Variants in FNDC3A observed in about 807,000 individuals in gnomAD.
The protein encoded by FNDC3A is fibronectin type III domain containing 3A, also known as fibronectin type-III domain-containing protein 3A.
In FNDC3A, 32 loss-of-function variants were observed where a neutral mutation model predicts 148.9. The observed-to-expected ratio is 0.21, with a 90% CI of 0.16 to 0.29. FNDC3A has a LOEUF of 0.29. Ranked by LOEUF, FNDC3A falls within the 10% of genes least tolerant of loss-of-function variation. The pLI is 1.00. For missense variants in FNDC3A, 1,191 were observed against 1,452.8 expected (o/e 0.82, Z 2.93); for synonymous variants, 472 against 473.6 (o/e 1.00, Z 0.04).
chr13:49,089,848 CTGTT>C (rs1462709053), intron 3 of FNDC3A, among the ~76,000 whole-genome samples: 1 of 152,202 alleles, frequency 6.6e-6, no homozygotes, highest in Non-Finnish European at 1.5e-5. Context: ...TTTAAAACCA[CTGTT>C]TGTTACACAG....
chr13:49,047,896 C>CA (rs547713645), intron 2 of FNDC3A, among the ~76,000 whole-genome samples: 2 of 152,112 alleles, frequency 1.3e-5, no homozygotes, highest in South Asian at 4.1e-4. Context: ...GTTTTTTTCT[C>CA]AGTGTTATCT....
At chr13:49,129,623 CAT>C (rs757253236) in intron 4 of FNDC3A, among the ~76,000 whole-genome samples, 9 of 152,268 alleles carry the variant, frequency 5.9e-5, no homozygotes, top group Non-Finnish European at 1.0e-4. Flanking sequence ...TCCCATCAAT[CAT>C]ATATGTTTGC....
intron 3 of FNDC3A, among the ~76,000 whole-genome samples, chr13:49,078,855 GA>G (rs770284636): frequency 6.6e-5 from 10 of 152,150 alleles, no homozygotes; most frequent in Non-Finnish European, 1.5e-4. Flanking sequence ...ATATGCCAGC[GA>G]AGTGGAGAGA....
intron 19 of FNDC3A, among the ~76,000 whole-genome samples, chr13:49,191,968 TA>T (rs1005217013): frequency 4.6e-5 from 7 of 152,212 alleles, no homozygotes; most frequent in Non-Finnish European, 8.8e-5. Flanking sequence ...TCAGGAAAGC[TA>T]AATATTTTGC....
chr13:49,095,323 G>A (rs1879452871), intron 3 of FNDC3A: 2 of 151,898 alleles, frequency 1.3e-5, no homozygotes. Flanking sequence ...GAAAAGAAAT[G>A]TCTAAATTTC....
intron 8 of FNDC3A, among the ~76,000 whole-genome samples, chr13:49,155,678 C>A: frequency 1.0e-5 from 1 of 97,882 alleles, no homozygotes; most frequent in African/African-American, 4.1e-5. Context: ...TTTCCCTCTA[C>A]ACACTGCTTT....
At chr13:49,053,135 C>A (rs1249163623) in intron 2 of FNDC3A, among the ~76,000 whole-genome samples, 4 of 152,146 alleles carry the variant, frequency 2.6e-5, no homozygotes, top group African/African-American at 9.7e-5. Flanking sequence ...GAGTACTTGC[C>A]CCAGATCATG....
chr13:49,092,301 C>T (rs1279772095), intron 3 of FNDC3A, among the ~76,000 whole-genome samples: 1 of 152,224 alleles, frequency 6.6e-6, no homozygotes, highest in African/African-American at 2.4e-5. Context: ...AATGTGTTGC[C>T]TCCAAAATCC....
At chr13:49,080,099 A>G (rs1878374145) in intron 3 of FNDC3A, among the ~76,000 whole-genome samples, 1 of 152,196 alleles carries the variant, frequency 6.6e-6, no homozygotes, top group Non-Finnish European at 1.5e-5. Context: ...ACCTGGCCCA[A>G]TATTTGTTTC....
intron 1 of FNDC3A, among the ~76,000 whole-genome samples, chr13:48,978,117 TCTTCA>T (rs2137539085): frequency 6.6e-6 from 1 of 152,286 alleles, no homozygotes; most frequent in South Asian, 2.1e-4. Context: ...GACGTCTGTG[TCTTCA>T]CTTCCTCTAT....
chr13:49,155,805 TC>T (rs1295034199), intron 8 of FNDC3A, among the ~76,000 whole-genome samples: 2 of 77,282 alleles, frequency 2.6e-5, no homozygotes, highest in African/African-American at 1.0e-4. Context: ...AGCAGGTTGT[TC>T]AGTTTCCATG....
intron 1 of FNDC3A, among the ~76,000 whole-genome samples, chr13:48,981,328 G>A (rs1451104975): frequency 6.6e-6 from 1 of 151,816 alleles, no homozygotes; most frequent in Non-Finnish European, 1.5e-5. Flanking sequence ...TGCAATCTTG[G>A]TTTTCTAAGC....
At chr13:49,043,036 G>C (rs1875068628) in intron 2 of FNDC3A, among the ~76,000 whole-genome samples, 1 of 151,888 alleles carries the variant, frequency 6.6e-6, no homozygotes, top group Non-Finnish European at 1.5e-5. Flanking sequence ...GCTCACTTCA[G>C]CCTTGACCTC....
chr13:49,005,687 G>A (rs1952207599), intron 1 of FNDC3A, among the ~76,000 whole-genome samples: 1 of 151,822 alleles, frequency 6.6e-6, no homozygotes, highest in African/African-American at 2.4e-5. Flanking sequence ...TTTTTCTTGT[G>A]TAGTTCCTAG....
At chr13:49,086,897 A>G (rs1343780229) in intron 3 of FNDC3A, among the ~76,000 whole-genome samples, 1 of 152,176 alleles carries the variant, frequency 6.6e-6, no homozygotes, top group Admixed American at 6.5e-5. Context: ...AATGAATTAT[A>G]ACAGATCATC....
intron 10 of FNDC3A, among the ~76,000 whole-genome samples, chr13:49,169,113 A>G (rs1252370130): frequency 6.6e-6 from 1 of 152,224 alleles, no homozygotes; most frequent in African/African-American, 2.4e-5. Context: ...ATACTCATAA[A>G]TCAATATGCT....
At chr13:49,085,903 G>A (rs1299434511) in intron 3 of FNDC3A, among the ~76,000 whole-genome samples, 3 of 144,210 alleles carry the variant, frequency 2.1e-5, no homozygotes, top group Non-Finnish European at 4.5e-5. Context: ...TTCCCCTTGA[G>A]ACCAAGTCTT....
intron 2 of FNDC3A, among the ~76,000 whole-genome samples, chr13:49,051,643 A>G (rs775468335): frequency 4.6e-5 from 7 of 152,212 alleles, no homozygotes; most frequent in Non-Finnish European, 7.3e-5. Context: ...GTTGATGACT[A>G]TGTGCTTAGA....
chr13:49,185,361 A>G (rs1348851266), intron 14 of FNDC3A, among the ~76,000 whole-genome samples: 1 of 152,184 alleles, frequency 6.6e-6, no homozygotes, highest in Non-Finnish European at 1.5e-5. Flanking sequence ...GTTGTAATCA[A>G]GATGTCAACT....
Sources: allele counts gnomAD v4.1 joint callset (sites outside exome capture counted in the v4.1 genomes callset), GRCh38; gene constraint gnomAD v4.1.1; transcripts MANE v1.5; gene names NCBI Gene and HGNC (gene_info 2026-07-23, HGNC 2026-07-21).